Variants in FSHR observed in about 807,000 individuals in gnomAD.
FSHR encodes the protein follicle stimulating hormone receptor.
A neutral mutation model predicts 52.1 loss-of-function variants in FSHR; 46 were observed. The observed-to-expected ratio is 0.88, with a 90% confidence interval of 0.70 to 1.13. FSHR has a LOEUF of 1.13. Among genes scored for constraint, FSHR ranks in the 50% most tolerant of loss-of-function variants. The pLI is 0.00. For synonymous variants in FSHR, 399 were observed against 309.6 expected (o/e 1.29, Z -3.03); for missense variants, 964 against 834.6 (o/e 1.16, Z -1.91).
chr2:48,988,505 C>A (rs1053054067), intron 6 of FSHR, among the ~76,000 whole-genome samples: 1 of 152,184 alleles, frequency 6.6e-6, no homozygotes, highest in African/African-American at 2.4e-5. Context: ...GAGAGTAACT[C>A]AAGCTCATTA....
At chr2:49,145,439 GC>G (rs1412684459) in intron 1 of FSHR, among the ~76,000 whole-genome samples, 1 of 151,960 alleles carries the variant, frequency 6.6e-6, no homozygotes, top group East Asian at 1.9e-4. Context: ...GCCCTATATA[GC>G]CCCTGAAATC....
intron 1 of FSHR, among the ~76,000 whole-genome samples, chr2:49,138,155 A>G (rs1265992930): frequency 6.6e-6 from 1 of 152,170 alleles, no homozygotes; most frequent in East Asian, 1.9e-4. Context: ...GGCAAATAAA[A>G]ACCACAATGA....
chr2:49,064,752 A>G (rs1244609109), intron 2 of FSHR, among the ~76,000 whole-genome samples: 1 of 152,152 alleles, frequency 6.6e-6, no homozygotes, highest in Middle Eastern at 3.2e-3. Context: ...TCTTGGCTTT[A>G]ATGAATAACC....
Position 49,068,250 on chromosome 2 carries a change from C to T in FSHR, c.193G>A (p.Ala65Thr). The change falls in exon 2 of 10, where the codon GCA becomes ACA. Residue 65 changes from alanine (A) to threonine (T), a missense_variant. Physicochemically the swap from Ala to Thr is moderately conservative, Grantham distance 58. Transcript: ENST00000406846. Reference protein sequence around the residue: ...LTKLRVIQKGAFSGFGDLEKI... With the variant: ...LTKLRVIQKGTFSGFGDLEKI... ...TCCAGGTCCCCAAATCCTGAAAATG[C>T]ACCTTTTTGGATGACTCGAAGCTTG... is the stretch of plus-strand genomic sequence containing the variant. The T allele has an allele frequency of 6.2e-7, 1 of 1,611,316 alleles. No homozygotes were observed.
intron 1 of FSHR, among the ~76,000 whole-genome samples, chr2:49,081,905 G>C (rs554386619): frequency 3.9e-5 from 6 of 152,308 alleles, no homozygotes; most frequent in African/African-American, 1.4e-4. Flanking sequence ...CAGTCTGGAA[G>C]ACAGCCAATA....
At chr2:49,124,080 A>C (rs1572775360) in intron 1 of FSHR, among the ~76,000 whole-genome samples, 1 of 147,588 alleles carries the variant, frequency 6.8e-6, no homozygotes, top group Admixed American at 6.8e-5. Context: ...CACCTCCTGC[A>C]CCTCCCGGGT....
intron 4 of FSHR, among the ~76,000 whole-genome samples, chr2:49,015,504 A>G (rs2104204173): frequency 1.3e-5 from 2 of 152,298 alleles, no homozygotes; most frequent in South Asian, 2.1e-4. Context: ...CATATAAGCC[A>G]TGTGCGTCTC....
rs987447563 is a variant in FSHR at position 48,962,279 on chromosome 2, G to C, written c.*454C>G. ...AATGAATGAATGAATGAATACCATG[G>C]TGCTTCTCTGGGAAATTCTCTGGGA... On this transcript the variant is annotated 3_prime_UTR_variant, in exon 10 of 10. Transcript: ENST00000406846. The C allele has an allele frequency of 9.3e-6, 2 of 215,584 alleles. No homozygotes were observed. 13.4% of individuals were successfully genotyped at this position (215,584 alleles called of 1,614,324 possible).
At chr2:48,977,457 A>G (rs1675041778) in intron 8 of FSHR, among the ~76,000 whole-genome samples, 1 of 152,192 alleles carries the variant, frequency 6.6e-6, no homozygotes, top group African/African-American at 2.4e-5. Context: ...TGGTAAACTA[A>G]TGGAAGGGGA....
chr2:49,008,026 T>A (rs940538148), intron 4 of FSHR, among the ~76,000 whole-genome samples: 15 of 151,992 alleles, frequency 9.9e-5, no homozygotes, highest in Non-Finnish European at 1.8e-4. Context: ...AAATTTTTTT[T>A]ATTTTTTATT....
At chr2:49,015,379 C>T (rs374887891) in intron 4 of FSHR, among the ~76,000 whole-genome samples, 1 of 152,154 alleles carries the variant, frequency 6.6e-6, no homozygotes, top group African/African-American at 2.4e-5. Context: ...TGAGGATGGG[C>T]TGGTAGACCT....
At chr2:48,968,311 A>G (rs996130292) in intron 9 of FSHR, among the ~76,000 whole-genome samples, 7 of 152,206 alleles carry the variant, frequency 4.6e-5, no homozygotes, top group Non-Finnish European at 1.0e-4. Context: ...CTCCCCACCA[A>G]AGATGACACG....
chr2:48,966,929 G>A (rs2300443), intron 9 of FSHR, among the ~76,000 whole-genome samples: 1,672 of 152,234 alleles, frequency 0.011, 70 homozygotes, highest in East Asian at 0.086. Context: ...GATCAGAGAA[G>A]ACCTCATGTC....
At chr2:49,076,261 T>C (rs1669946566) in intron 1 of FSHR, among the ~76,000 whole-genome samples, 2 of 152,146 alleles carry the variant, frequency 1.3e-5, no homozygotes, top group Admixed American at 6.6e-5. Context: ...TTAATGGACT[T>C]ACAGTTCCAC....
At chr2:49,034,590 A>G (rs530554741) in intron 2 of FSHR, among the ~76,000 whole-genome samples, 1 of 152,336 alleles carries the variant, frequency 6.6e-6, no homozygotes, top group South Asian at 2.1e-4. Flanking sequence ...CAATGTAAAG[A>G]TTAAATTATG....
intron 2 of FSHR, chr2:49,059,678 C>T (rs778233613): frequency 2.0e-4 from 30 of 152,392 alleles, no homozygotes; most frequent in African/African-American, 6.7e-4. Context: ...CTAACAGATG[C>T]CCCCTTTCAC....
chr2:49,035,022 G>T (rs575213845), intron 2 of FSHR, among the ~76,000 whole-genome samples: 1 of 152,268 alleles, frequency 6.6e-6, no homozygotes, highest in East Asian at 1.9e-4. Context: ...GCTGCAGATG[G>T]GGCTGCTTCC....
chr2:48,988,016 C>T (rs1384569679), intron 6 of FSHR, among the ~76,000 whole-genome samples: 1 of 152,116 alleles, frequency 6.6e-6, no homozygotes, highest in Non-Finnish European at 1.5e-5. Context: ...CTATGCTAAT[C>T]TGTTTTCAAA....
chr2:48,971,731 C>T (rs1674749953), intron 8 of FSHR, among the ~76,000 whole-genome samples: 1 of 152,096 alleles, frequency 6.6e-6, no homozygotes, highest in African/African-American at 2.4e-5. Flanking sequence ...TTGTATAGTT[C>T]TAGTTTTGTC....
Sources: gnomAD v4.1 joint callset for allele counts (sites outside exome capture counted in the v4.1 genomes callset) on GRCh38, gnomAD v4.1.1 for gene constraint, MANE v1.5 for transcripts, NCBI Gene and HGNC (gene_info 2026-07-23, HGNC 2026-07-21) for gene names.